PDE3B: variants seen among roughly 807,000 people sequenced by gnomAD.
PDE3B encodes cGMP-inhibited 3',5'-cyclic phosphodiesterase 3B.
Under a neutral mutation model 116.8 loss-of-function variants are expected in PDE3B, and 66 were observed. The observed-to-expected ratio is 0.56, with a 90% confidence interval of 0.46 to 0.69. PDE3B has a LOEUF of 0.69. Ranked by LOEUF, PDE3B falls within the 30% of genes least tolerant of loss-of-function variation. PDE3B has a pLI of 0.00. For missense variants in PDE3B, 1,384 were observed against 1,368.1 expected, an observed-to-expected ratio of 1.01 and a Z score of -0.18; for synonymous variants, 595 against 533.6, an observed-to-expected ratio of 1.12 and a Z score of -1.59.
chr11:14,862,576 T>C (rs1555007373), intron 14 of PDE3B, among the ~76,000 whole-genome samples: 1 of 152,126 alleles, frequency 6.6e-6, no homozygotes, highest in African/African-American at 2.4e-5. Context: ...GCTCTTTTGT[T>C]CTTAAATCTT....
chr11:14,662,902 G>C (rs985742575), intron 1 of PDE3B, among the ~76,000 whole-genome samples: 18 of 152,146 alleles, frequency 1.2e-4, no homozygotes, highest in African/African-American at 4.1e-4. Flanking sequence ...TTATCTAGGA[G>C]AACTTCCCCA....
intron 1 of PDE3B, among the ~76,000 whole-genome samples, chr11:14,732,041 A>C (rs144096520): frequency 4.1e-4 from 62 of 152,312 alleles, no homozygotes; most frequent in Middle Eastern, 3.4e-3. Context: ...TAGGAAGGTG[A>C]CATCTGAGCA....
intron 1 of PDE3B, among the ~76,000 whole-genome samples, chr11:14,702,939 G>T (rs1179154740): frequency 6.6e-6 from 1 of 151,818 alleles, no homozygotes; most frequent in Non-Finnish European, 1.5e-5. Flanking sequence ...CGCCACACAG[G>T]GGCTGTGTCA....
intron 1 of PDE3B, among the ~76,000 whole-genome samples, chr11:14,737,974 T>C (rs1007252137): frequency 2.6e-5 from 4 of 152,186 alleles, no homozygotes; most frequent in Non-Finnish European, 4.4e-5. Context: ...CTGCATAGTA[T>C]TCCATGGTGT....
At chr11:14,650,268 A>G (rs776106579) in intron 1 of PDE3B, among the ~76,000 whole-genome samples, 1 of 150,958 alleles carries the variant, frequency 6.6e-6, no homozygotes, top group Non-Finnish European at 1.5e-5. Context: ...GTGATGTGCA[A>G]TCTTGCCTCA....
intron 11 of PDE3B, among the ~76,000 whole-genome samples, chr11:14,836,695 C>G (rs540223128): frequency 2.0e-5 from 3 of 152,244 alleles, no homozygotes. Flanking sequence ...AAAGGCTTCA[C>G]TGGAGTAAAA....
Position 14,859,035 on chromosome 11 carries a change from C to A in PDE3B, c.2521-8C>A. On this transcript the variant is annotated splice_polypyrimidine_tract_variant and splice_region_variant and intron_variant, in intron 12 of 15. Coordinates refer to ENST00000282096, the MANE Select transcript of PDE3B (RefSeq NM_000922.4). The stretch of plus-strand genomic sequence containing the variant: ...GTGTCTGCCTCATTTTTCTATATTT[C>A]TTTTTAGGCAGTTTTATACAATGAC... The A allele has an allele frequency of 1.3e-6, 2 of 1,591,340 alleles. No homozygotes were observed. The highest frequency in any genetic ancestry group is 1.1e-5 in the South Asian group (1 of 87,658).
chr11:14,840,915 C>T (rs549538621), intron 11 of PDE3B, among the ~76,000 whole-genome samples: 36 of 152,202 alleles, frequency 2.4e-4, no homozygotes, highest in African/African-American at 8.7e-4. Context: ...GGCTAACCTT[C>T]CCAGAGTGGA....
chr11:14,704,791 G>T (rs1432907560), intron 1 of PDE3B, among the ~76,000 whole-genome samples: 1 of 151,536 alleles, frequency 6.6e-6, no homozygotes, highest in African/African-American at 2.4e-5. Flanking sequence ...ACTAAAAAAA[G>T]CTGTAAGACA....
intron 1 of PDE3B, among the ~76,000 whole-genome samples, chr11:14,686,367 C>T (rs1353898647): frequency 6.6e-6 from 1 of 152,078 alleles, no homozygotes; most frequent in African/African-American, 2.4e-5. Context: ...CTTTGTAATA[C>T]AAGTTATATA....
intron 1 of PDE3B, among the ~76,000 whole-genome samples, chr11:14,713,495 G>A (rs1041804431): frequency 1.3e-5 from 2 of 152,086 alleles, no homozygotes; most frequent in African/African-American, 4.8e-5. Context: ...CTTTGAACTT[G>A]AACTGAAACA....
At chr11:14,804,613 A>G (rs1858864862) in intron 5 of PDE3B, among the ~76,000 whole-genome samples, 1 of 152,182 alleles carries the variant, frequency 6.6e-6, no homozygotes, top group Admixed American at 6.5e-5. Flanking sequence ...TGATTGGGAT[A>G]TACAATTACA....
chr11:14,781,503 A>G (rs1041215566), intron 2 of PDE3B, among the ~76,000 whole-genome samples: 2 of 152,260 alleles, frequency 1.3e-5, no homozygotes, highest in Admixed American at 1.3e-4. Flanking sequence ...AGGCTGGTTC[A>G]ACATACACAA....
At chr11:14,830,664 A>ACTC in intron 7 of PDE3B, 34 bp from the exon 8 acceptor site, 1 of 1,044,872 alleles carries the variant, frequency 9.6e-7, no homozygotes, top group Non-Finnish European at 1.3e-6. Flanking sequence ...GGCACATTTT[A>ACTC]CTCCTATATA....
intron 1 of PDE3B, among the ~76,000 whole-genome samples, chr11:14,698,128 G>C (rs535196397): frequency 1.3e-5 from 2 of 151,726 alleles, no homozygotes; most frequent in South Asian, 2.1e-4. Flanking sequence ...ATTAGTGGTA[G>C]GTTTGTGTGT....
intron 9 of PDE3B, among the ~76,000 whole-genome samples, chr11:14,832,304 C>T (rs534181170): frequency 2.4e-4 from 36 of 151,982 alleles, no homozygotes; most frequent in Non-Finnish European, 4.0e-4. Flanking sequence ...AATGCAAAAA[C>T]GTAAGGATAA....
chr11:14,713,695 T>TAC (rs68083046), intron 1 of PDE3B, among the ~76,000 whole-genome samples: 5,735 of 149,824 alleles, frequency 0.038, 143 homozygotes, highest in Middle Eastern at 0.052. Context: ...AAAAAATCTT[T>TAC]ACACACACAC....
intron 1 of PDE3B, among the ~76,000 whole-genome samples, chr11:14,756,509 T>A (rs1857183435): frequency 1.3e-5 from 2 of 152,148 alleles, no homozygotes; most frequent in Admixed American, 1.3e-4. Context: ...TACAAATACC[T>A]TGACCTCATT....
At position 14,644,685 on chromosome 11, in the gene PDE3B, G is replaced by A. The variant is rs202064501; in HGVS notation, c.610G>A (p.Val204Ile). ...CAGGTTGCTGCTGGTGCTGAGCTGC[G>A]TAGGGCTGCTGCTGACGCTCGCGCA... Reference protein sequence around the residue: ...AGRLLLVLSCVGLLLTLAHPL... With the variant: ...AGRLLLVLSCIGLLLTLAHPL... Residue 204 changes from valine to isoleucine, a missense_variant, in exon 1 of 16, where the codon GTA becomes ATA. Transcript: ENST00000282096. 1.3e-6 allele frequency: 2 copies of A among 1,512,794 alleles called. No individual in the cohort carries two copies. The highest frequency in any genetic ancestry group is 1.4e-5 in the African/African-American group (1 of 72,668). The allele number at this position is 1,512,794 out of a possible 1,614,324, so 93.7% of individuals were successfully genotyped here. A position where few individuals can be genotyped will look rare whatever the true frequency, so the allele number is the denominator to read the frequency against.
Sources: allele counts gnomAD v4.1 joint callset (sites outside exome capture counted in the v4.1 genomes callset), GRCh38; gene constraint gnomAD v4.1.1; transcripts MANE v1.5; gene names NCBI Gene and HGNC (gene_info 2026-07-23, HGNC 2026-07-21).